The following IL20RA variants were observed in gnomAD, a reference collection of about 807,000 sequenced individuals.
IL20RA encodes interleukin-20 receptor subunit alpha.
In IL20RA, 29 loss-of-function variants were observed where a neutral mutation model predicts 36.5. That is an observed-to-expected ratio of 0.79 (90% CI 0.59 to 1.08). The LOEUF (loss-of-function observed/expected upper bound fraction) is 1.08. IL20RA is among the 50% of genes least tolerant of loss of function. The pLI is 0.00. For missense variants in IL20RA, 652 were observed against 668.4 expected (o/e 0.98, Z 0.27); for synonymous variants, 279 against 267.1 (o/e 1.04, Z -0.43).
chr6:137,014,432 AG>A (rs1305370978), intron 2 of IL20RA, among the ~76,000 whole-genome samples: 15 of 152,212 alleles, frequency 9.9e-5, no homozygotes, highest in Admixed American at 3.9e-4. Flanking sequence ...GACAAAAATT[AG>A]ATTATACCAT....
chr6:137,009,502 G>A lies in IL20RA; in HGVS notation c.404-10C>T, dbSNP rs1250136334. The A allele has an allele frequency of 6.4e-7, 1 of 1,559,832 alleles. No homozygotes were observed. Among genetic ancestry groups the A allele is most frequent in the Non-Finnish European group, 8.8e-7 (1 of 1,130,994 alleles). Reference sequence around the variant, plus strand: ...GGTGGGCCAATTTGTGCTTAAAGGGGGAGAAAGAGGGTATTATCATGTTCA... The same window carrying A: ...GGTGGGCCAATTTGTGCTTAAAGGGAGAGAAAGAGGGTATTATCATGTTCA... On this transcript the variant is annotated splice_polypyrimidine_tract_variant and intron_variant, in intron 3 of 6. Transcript: ENST00000316649.
chr6:137,021,968 G>A (rs922751971), intron 1 of IL20RA, among the ~76,000 whole-genome samples: 16 of 152,144 alleles, frequency 1.1e-4, no homozygotes, highest in African/African-American at 3.9e-4. Context: ...GAGGAGTTTA[G>A]TAAGTTGCCA....
At chr6:137,015,947 G>A (rs891576998) in intron 2 of IL20RA, among the ~76,000 whole-genome samples, 15 of 152,132 alleles carry the variant, frequency 9.9e-5, no homozygotes, top group African/African-American at 3.1e-4. Flanking sequence ...GAGAGCCACC[G>A]TGTCCGGCCA....
chr6:137,008,760 C>T lies in IL20RA; in HGVS notation c.580-17G>A. On this transcript the variant is annotated splice_polypyrimidine_tract_variant and intron_variant, in intron 4 of 6. Coordinates refer to ENST00000316649, the MANE Select transcript of IL20RA (RefSeq NM_014432.4). ...CTGGGACCACTAGGATAGGGAATTG[C>T]AAACATTGGTTAGAGCCAGACATTT... The T allele has an allele frequency of 3.2e-6, 5 of 1,554,536 alleles. No individual in the cohort carries two copies. Among genetic ancestry groups the T allele is most frequent in the Non-Finnish European group, 4.3e-6 (5 of 1,149,830 alleles).
At chr6:137,027,289 T>C (rs1003117371) in intron 1 of IL20RA, among the ~76,000 whole-genome samples, 47 of 152,336 alleles carry the variant, frequency 3.1e-4, no homozygotes, top group Admixed American at 2.4e-3. Flanking sequence ...GATTCGGTGC[T>C]AGCATTAGTT....
intron 1 of IL20RA, among the ~76,000 whole-genome samples, chr6:137,028,066 C>T (rs1776154685): frequency 6.6e-6 from 1 of 152,134 alleles, no homozygotes; most frequent in African/African-American, 2.4e-5. Flanking sequence ...GTTACTGGTA[C>T]CTACTATGGG....
At chr6:137,018,181 A>G (rs1009803773) in intron 1 of IL20RA, among the ~76,000 whole-genome samples, 1 of 152,216 alleles carries the variant, frequency 6.6e-6, no homozygotes, top group Non-Finnish European at 1.5e-5. Context: ...ATCTTGGCTA[A>G]GGATCATAAT....
chr6:137,022,977 G>T (rs1775956658), intron 1 of IL20RA, among the ~76,000 whole-genome samples: 1 of 152,146 alleles, frequency 6.6e-6, no homozygotes, highest in Non-Finnish European at 1.5e-5. Flanking sequence ...AACTGTGAGA[G>T]AATAAATTGT....
intron 4 of IL20RA, 193 bp downstream of exon 4, chr6:137,009,124 A>T (rs1775380603): frequency 8.0e-6 from 5 of 627,288 alleles, no homozygotes; most frequent in Non-Finnish European, 1.4e-5. Flanking sequence ...CTGTCAACAG[A>T]GTTTCTGTAA....
Position 137,044,815 on chromosome 6 carries a change from G to A in IL20RA, c.-87C>T. 1 of 1,158,330 alleles carries A rather than the reference G, an allele frequency of 8.6e-7. No individual in the cohort carries two copies. Among genetic ancestry groups the A allele is most frequent in the Non-Finnish European group, 1.1e-6 (1 of 930,412 alleles). The allele number at this position is 1,158,330 out of a possible 1,614,324, so 71.8% of individuals were successfully genotyped here. On this transcript the variant is annotated 5_prime_UTR_variant, in exon 1 of 7. Coordinates refer to ENST00000316649, the MANE Select transcript of IL20RA (RefSeq NM_014432.4). Reference sequence around the variant, plus strand: ...GGCCAAGCGCGGCCGCGCGGCCTCAGCTCCGCGCCTGGGGCTCTGCGTGCC... The same window carrying A: ...GGCCAAGCGCGGCCGCGCGGCCTCAACTCCGCGCCTGGGGCTCTGCGTGCC...
Position 137,009,470 on chromosome 6 carries a change from C to T in IL20RA, c.426G>A (p.Val142=). ...FLETQIGPPE[V]ALTTDEKSIS... Reference sequence around the variant, plus strand: ...TGGACTTCTCATCTGTAGTCAGTGCCACCTCTGGTGGGCCAATTTGTGCTT... The same window carrying T: ...TGGACTTCTCATCTGTAGTCAGTGCTACCTCTGGTGGGCCAATTTGTGCTT... Residue 142 remains valine (V), a synonymous_variant, in exon 4 of 7, where the codon GTG becomes GTA. Transcript: ENST00000316649. 1 of 1,612,652 alleles carries T rather than the reference C, an allele frequency of 6.2e-7. No homozygotes were observed. The highest frequency in any genetic ancestry group is 8.5e-7 in the Non-Finnish European group (1 of 1,178,688).
intron 1 of IL20RA, among the ~76,000 whole-genome samples, chr6:137,043,729 C>T (rs1337540330): frequency 1.3e-5 from 2 of 152,146 alleles, no homozygotes; most frequent in Non-Finnish European, 2.9e-5. Context: ...TAAAAGACAG[C>T]GGGGCCTGAA....
In IL20RA at chr6:137,033,740, T is replaced by C. The variant is rs192024384; in HGVS notation, c.88+10901A>G. 1.7e-3 allele frequency among the ~76,000 whole-genome samples: 263 copies of C among 152,348 alleles called. 3 individuals carry two copies. Among genetic ancestry groups the C allele is most frequent in the African/African-American group, 6.1e-3 (254 of 41,582 alleles). ...AAGTGCCAATTAAACTTATTTTCTT[T>C]ATAAATTTCCCGGTCACAGGTATTT... On this transcript the variant is annotated intron_variant, in intron 1 of 6. Coordinates refer to ENST00000316649, the MANE Select transcript of IL20RA (RefSeq NM_014432.4).
At chr6:137,014,526 C>T (rs1775607492) in intron 2 of IL20RA, among the ~76,000 whole-genome samples, 1 of 152,116 alleles carries the variant, frequency 6.6e-6, no homozygotes, top group Non-Finnish European at 1.5e-5. Context: ...ATTAAAGAAA[C>T]TACAGAAGTG....
At chr6:137,029,820 C>T (rs1457139459) in intron 1 of IL20RA, among the ~76,000 whole-genome samples, 1 of 152,046 alleles carries the variant, frequency 6.6e-6, no homozygotes, top group Non-Finnish European at 1.5e-5. Context: ...ATTTTCAACA[C>T]TAGTACTTCT....
intron 1 of IL20RA, among the ~76,000 whole-genome samples, chr6:137,020,498 A>C (rs1412249348): frequency 3.2e-5 from 3 of 94,216 alleles, no homozygotes; most frequent in Non-Finnish European, 8.1e-5. Context: ...AAAAAAAAAA[A>C]AAAAACCCCT....
At chr6:137,036,257 A>G (rs1776490409) in intron 1 of IL20RA, among the ~76,000 whole-genome samples, 1 of 152,212 alleles carries the variant, frequency 6.6e-6, no homozygotes, top group African/African-American at 2.4e-5. Flanking sequence ...CTTTTCCACC[A>G]TAGATGCCAA....
chr6:137,005,701 G>A (rs1241822616), intron 5 of IL20RA, among the ~76,000 whole-genome samples: 1 of 152,014 alleles, frequency 6.6e-6, no homozygotes, highest in African/African-American at 2.4e-5. Flanking sequence ...CAATCAGCAG[G>A]TTTTTGAGTA....
Position 137,011,275 on chromosome 6 carries a change from T to C in IL20RA, c.402A>G (p.Glu134=). 6.2e-7 allele frequency: 1 copy of C among 1,601,396 alleles called. No homozygotes were observed. The highest frequency in any genetic ancestry group is 2.2e-5 in the East Asian group (1 of 44,742). Residue 134 remains glutamate (E), a splice_region_variant and synonymous_variant, in exon 3 of 7, where the codon GAA becomes GAG. Transcript: ENST00000316649. ...AESGRFYPFL[E]TQIGPPEVAL... ...CATTGCAATAATGGCATTACTTACT[T>C]TCTAAAAAAGGATAGAACCGTCCAC...
Sources: gnomAD v4.1 joint callset for allele counts (sites outside exome capture counted in the v4.1 genomes callset) on GRCh38, gnomAD v4.1.1 for gene constraint, MANE v1.5 for transcripts, NCBI Gene and HGNC (gene_info 2026-07-23, HGNC 2026-07-21) for gene names.